SRBD1: variants seen among roughly 807,000 people sequenced by gnomAD.
SRBD1 encodes S1 RNA-binding domain-containing protein 1.
SRBD1 carries 88 observed loss-of-function variants against 115.3 expected under a neutral mutation model. That is an observed-to-expected ratio of 0.76 (90% confidence interval 0.64 to 0.91). The LOEUF (loss-of-function observed/expected upper bound fraction) is 0.91, where lower values mean the gene tolerates loss of function less well. Ranked by LOEUF, SRBD1 falls within the 40% of genes least tolerant of loss-of-function variation. SRBD1 has a pLI of 0.00. For missense variants in SRBD1, 1,385 were observed against 1,177.4 expected, an observed-to-expected ratio of 1.18 and a Z score of -2.58; for synonymous variants, 509 against 407.7, an observed-to-expected ratio of 1.25 and a Z score of -2.99.
intron 16 of SRBD1, among the ~76,000 whole-genome samples, chr2:45,422,135 A>T (rs1383513596): frequency 6.6e-6 from 1 of 152,214 alleles, no homozygotes; most frequent in Admixed American, 6.5e-5. Context: ...CAAACCGGAA[A>T]AAGGAAGAAT....
chr2:45,585,857 T>A, intron 4 of SRBD1, 83 bp from the exon 5 acceptor site: 1 of 1,170,294 alleles, frequency 8.5e-7, no homozygotes, highest in Non-Finnish European at 1.2e-6. Context: ...TAGTATCAAA[T>A]AATGTTCTCC....
intron 12 of SRBD1, among the ~76,000 whole-genome samples, chr2:45,548,512 T>A (rs928633458): frequency 6.6e-6 from 1 of 152,130 alleles, no homozygotes; most frequent in Non-Finnish European, 1.5e-5. Context: ...AGAATATAGA[T>A]GTGTTTGTGA....
intron 14 of SRBD1, among the ~76,000 whole-genome samples, chr2:45,541,101 G>A (rs1421677304): frequency 6.6e-6 from 1 of 152,238 alleles, no homozygotes; most frequent in African/African-American, 2.4e-5. Context: ...AGTGCGGTGA[G>A]CGGTGTGTGA....
chr2:45,504,997 G>C lies in SRBD1; in HGVS notation c.1875-16666C>G, dbSNP rs1286086448. 3.3e-5 allele frequency among the ~76,000 whole-genome samples: 5 copies of C among 152,024 alleles called. No homozygotes were observed. In the East Asian group the frequency reaches 9.6e-4, roughly 29 times the overall value. ...TCACTAAAACCTTTACTTCTACAAA[G>C]ATCAAATTAGTATCACACCAAATAG... On this transcript the variant is annotated intron_variant, in intron 14 of 20. Coordinates refer to ENST00000263736, the MANE Select transcript of SRBD1 (RefSeq NM_018079.5).
intron 14 of SRBD1, among the ~76,000 whole-genome samples, chr2:45,492,497 G>A (rs1427711100): frequency 6.6e-6 from 1 of 152,120 alleles, no homozygotes; most frequent in African/African-American, 2.4e-5. Flanking sequence ...GGAGTGCAGT[G>A]GCGCCATCTC....
intron 15 of SRBD1, among the ~76,000 whole-genome samples, chr2:45,484,196 G>A (rs1403662670): frequency 6.6e-6 from 1 of 151,846 alleles, no homozygotes; most frequent in Non-Finnish European, 1.5e-5. Flanking sequence ...ACCTCTGACT[G>A]TCCACCAGGG....
At chr2:45,486,725 C>T (rs886476421) in intron 15 of SRBD1, among the ~76,000 whole-genome samples, 1 of 149,798 alleles carries the variant, frequency 6.7e-6, no homozygotes, top group African/African-American at 2.5e-5. Flanking sequence ...AGCGAGACCC[C>T]ATCTCAAAAA....
At chr2:45,529,563 A>G (rs1671549120) in intron 14 of SRBD1, among the ~76,000 whole-genome samples, 1 of 151,914 alleles carries the variant, frequency 6.6e-6, no homozygotes, top group Non-Finnish European at 1.5e-5. Flanking sequence ...TAAAATAGAA[A>G]AAAAATCTGA....
chr2:45,397,096 T>C (rs1667168324), intron 19 of SRBD1, among the ~76,000 whole-genome samples: 1 of 152,148 alleles, frequency 6.6e-6, no homozygotes, highest in Non-Finnish European at 1.5e-5. Flanking sequence ...CAAAATTAAA[T>C]GCAAGAACAC....
chr2:45,489,662 A>G (rs931302749), intron 14 of SRBD1, among the ~76,000 whole-genome samples: 2 of 152,140 alleles, frequency 1.3e-5, no homozygotes, highest in African/African-American at 4.8e-5. Flanking sequence ...AAGCAAAAAA[A>G]CACTTTACAG....
chr2:45,461,236 C>T (rs1669305190), intron 16 of SRBD1, among the ~76,000 whole-genome samples: 1 of 152,180 alleles, frequency 6.6e-6, no homozygotes, highest in Non-Finnish European at 1.5e-5. Flanking sequence ...TGTTATCCTT[C>T]CTTTCATGGA....
intron 15 of SRBD1, among the ~76,000 whole-genome samples, chr2:45,483,843 C>G (rs1670038145): frequency 1.3e-5 from 2 of 151,952 alleles, no homozygotes; most frequent in Non-Finnish European, 2.9e-5. Context: ...CTACTGTAAT[C>G]CTGACCCTCT....
chr2:45,475,842 G>A lies in SRBD1; in HGVS notation c.2049+1151C>T, dbSNP rs559993589. The stretch of plus-strand genomic sequence containing the variant: ...GCCTTCCACGTAGTTGGGACTACAG[G>A]TGCGCGCCACCATACCCGGCTAATT... On this transcript the variant is annotated intron_variant, in intron 16 of 20. Transcript: ENST00000263736. Among the ~76,000 whole-genome samples the A allele has an allele frequency of 6.3e-3, 952 of 152,278 alleles. 19 individuals carry two copies. Among genetic ancestry groups the A allele is most frequent in the South Asian group, 0.014 (66 of 4,822 alleles).
At chr2:45,570,966 CAACT>C (rs1415028848) in intron 9 of SRBD1, among the ~76,000 whole-genome samples, 1 of 151,970 alleles carries the variant, frequency 6.6e-6, no homozygotes, top group Admixed American at 6.6e-5. Context: ...AATACAGGAG[CAACT>C]AACACAGAGA....
rs1027128118 is a variant in SRBD1, at chr2:45,388,996, A to G, written c.*314T>C. 4 of 255,942 alleles carry G rather than the reference A, an allele frequency of 1.6e-5. No homozygotes were observed. Among genetic ancestry groups the G allele is most frequent in the African/African-American group, 4.5e-5 (2 of 44,734 alleles). The allele number at this position is 255,942 out of a possible 1,614,324, so 15.9% of individuals were successfully genotyped here. On this transcript the variant is annotated 3_prime_UTR_variant, in exon 21 of 21. Coordinates refer to ENST00000263736, the MANE Select transcript of SRBD1 (RefSeq NM_018079.5). ...GATGTTGGCAAGTAGAAGTTAAGCAATCTGTTATACAAAATGCAAAAGGAG... is the reference window on the plus strand; with the variant it reads ...GATGTTGGCAAGTAGAAGTTAAGCAGTCTGTTATACAAAATGCAAAAGGAG...
chr2:45,431,660 G>A lies in SRBD1; in HGVS notation c.2050-11766C>T, dbSNP rs996087218. On this transcript the variant is annotated intron_variant, in intron 16 of 20. Transcript: ENST00000263736. ...AAGGCTAGGGGAGGGATAGCATTAG[G>A]AGAAATACCTAATGTGGATGATGGG... Among the ~76,000 whole-genome samples the A allele has an allele frequency of 4.6e-5, 7 of 152,150 alleles. No homozygotes were observed. In the South Asian group the frequency reaches 1.4e-3, roughly 32 times the overall value.
chr2:45,477,174 G>A, intron 15 of SRBD1, 99 bp from the exon 16 acceptor site: 1 of 900,518 alleles, frequency 1.1e-6, no homozygotes, highest in South Asian at 1.6e-5. Context: ...ACTTAATCCT[G>A]TCCCTCCTCA....
intron 16 of SRBD1, among the ~76,000 whole-genome samples, chr2:45,420,439 T>C (rs1290514770): frequency 6.6e-6 from 1 of 152,230 alleles, no homozygotes; most frequent in Non-Finnish European, 1.5e-5. Context: ...GTACTGTTTA[T>C]ATGAAGCACC....
intron 10 of SRBD1, among the ~76,000 whole-genome samples, chr2:45,562,079 T>C (rs1158584403): frequency 6.6e-6 from 1 of 152,204 alleles, no homozygotes; most frequent in Non-Finnish European, 1.5e-5. Flanking sequence ...ACAGTTCTTC[T>C]CCACAGAGAT....
Sources: gnomAD v4.1 joint callset for allele counts (sites outside exome capture counted in the v4.1 genomes callset) on GRCh38, gnomAD v4.1.1 for gene constraint, MANE v1.5 for transcripts, NCBI Gene and HGNC (gene_info 2026-07-23, HGNC 2026-07-21) for gene names.